LRRC4C: variants seen among roughly 807,000 people sequenced by gnomAD.
The protein encoded by LRRC4C is leucine rich repeat containing 4C.
Under a neutral mutation model 33.6 loss-of-function variants are expected in LRRC4C, and 5 were observed. The observed-to-expected ratio is 0.15, with a 90% CI of 0.08 to 0.31. The LOEUF is 0.31. LRRC4C is among the 10% of genes least tolerant of loss of function. The pLI is 1.00. For missense variants in LRRC4C, 560 were observed against 796.7 expected (o/e 0.70, Z 3.58); for synonymous variants, 329 against 302.0 (o/e 1.09, Z -0.93).
At position 40,563,467 on chromosome 11, in the gene LRRC4C, G is replaced by A. The variant is rs575133402; in HGVS notation, c.-270+84675C>T. 3.3e-5 allele frequency among the ~76,000 whole-genome samples: 5 copies of A among 152,268 alleles called. No homozygotes were observed. In the East Asian group the frequency reaches 9.7e-4, roughly 29 times the overall value. On this transcript the variant is annotated intron_variant, in intron 3 of 6. Transcript: ENST00000528697. ...GGAGTGGGATGATTATGATTAAATC[G>A]TATTGACACTAGGCAGAGGGATAAT...
At chr11:40,382,956 G>T (rs1381664083) in intron 3 of LRRC4C, among the ~76,000 whole-genome samples, 4 of 152,004 alleles carry the variant, frequency 2.6e-5, no homozygotes, top group Non-Finnish European at 5.9e-5. Context: ...GCCTCCCAAA[G>T]TACTGGGATT....
At chr11:40,133,959 C>T (rs945951700) in intron 6 of LRRC4C, among the ~76,000 whole-genome samples, 1 of 152,098 alleles carries the variant, frequency 6.6e-6, no homozygotes, top group African/African-American at 2.4e-5. Context: ...TCTCACAGTG[C>T]AGTATGATTC....
At chr11:40,782,942 TA>T (rs1692206323) in intron 2 of LRRC4C, among the ~76,000 whole-genome samples, 2 of 152,148 alleles carry the variant, frequency 1.3e-5, no homozygotes, top group Non-Finnish European at 2.9e-5. Flanking sequence ...GTGTGTATTT[TA>T]TATATATTTA....
At chr11:40,317,241 T>A (rs1945618032) in intron 4 of LRRC4C, among the ~76,000 whole-genome samples, 1 of 151,058 alleles carries the variant, frequency 6.6e-6, no homozygotes, top group African/African-American at 2.5e-5. Flanking sequence ...TATTCCTTTT[T>A]AAATATTGTT....
chr11:40,393,526 A>G (rs944204561), intron 3 of LRRC4C, among the ~76,000 whole-genome samples: 14 of 152,188 alleles, frequency 9.2e-5, no homozygotes, highest in African/African-American at 3.4e-4. Context: ...AGTCAGGAAG[A>G]AAATGAAAAA....
chr11:40,506,147 T>A (rs1340622121), intron 3 of LRRC4C, among the ~76,000 whole-genome samples: 1 of 152,200 alleles, frequency 6.6e-6, no homozygotes, highest in African/African-American at 2.4e-5. Context: ...TTAATGGCCC[T>A]AATTTTAAGA....
At chr11:40,547,525 A>T (rs1387011072) in intron 3 of LRRC4C, among the ~76,000 whole-genome samples, 2 of 151,990 alleles carry the variant, frequency 1.3e-5, no homozygotes, top group Non-Finnish European at 2.9e-5. Flanking sequence ...GGTACCCTAA[A>T]TTTTTTATCC....
intron 2 of LRRC4C, among the ~76,000 whole-genome samples, chr11:40,759,927 G>A (rs968056201): frequency 7.1e-6 from 1 of 140,488 alleles, no homozygotes; most frequent in African/African-American, 2.6e-5. Context: ...ATTAGGTGAA[G>A]TAGAGAATTC....
At chr11:40,911,250 C>A (rs1444966244) in intron 2 of LRRC4C, among the ~76,000 whole-genome samples, 1 of 152,196 alleles carries the variant, frequency 6.6e-6, no homozygotes, top group Non-Finnish European at 1.5e-5. Context: ...ACTGCGTCCT[C>A]AAGAGGGTCC....
intron 1 of LRRC4C, among the ~76,000 whole-genome samples, chr11:41,048,009 C>T (rs914802877): frequency 6.6e-6 from 1 of 152,120 alleles, no homozygotes; most frequent in East Asian, 1.9e-4. Flanking sequence ...CCACATTTTG[C>T]TCTGAACTTT....
chr11:40,613,661 C>T (rs1258720706), intron 3 of LRRC4C, among the ~76,000 whole-genome samples: 1 of 151,740 alleles, frequency 6.6e-6, no homozygotes, highest in African/African-American at 2.4e-5. Context: ...ATGGTGAATC[C>T]TTTCTACAAG....
chr11:40,897,595 C>T (rs1366286621), intron 2 of LRRC4C, among the ~76,000 whole-genome samples: 1 of 152,204 alleles, frequency 6.6e-6, no homozygotes, highest in African/African-American at 2.4e-5. Context: ...TAAAGAATGA[C>T]TTTGCTTATC....
intron 3 of LRRC4C, among the ~76,000 whole-genome samples, chr11:40,386,196 C>T (rs1253144489): frequency 6.6e-6 from 1 of 152,098 alleles, no homozygotes; most frequent in African/African-American, 2.4e-5. Context: ...TGAATTATGT[C>T]ACAAAGCCAT....
chr11:40,557,818 A>T (rs1334981110), intron 3 of LRRC4C, among the ~76,000 whole-genome samples: 1 of 152,176 alleles, frequency 6.6e-6, no homozygotes, highest in Non-Finnish European at 1.5e-5. Context: ...TGAGCCTTCA[A>T]TGCTGCTATT....
At chr11:41,063,636 C>T (rs1260480958) in intron 1 of LRRC4C, among the ~76,000 whole-genome samples, 1 of 152,018 alleles carries the variant, frequency 6.6e-6, no homozygotes, top group Non-Finnish European at 1.5e-5. Context: ...CATTGATATG[C>T]TTTATAAAGA....
At chr11:40,434,185 C>T (rs936550359) in intron 3 of LRRC4C, among the ~76,000 whole-genome samples, 2 of 152,188 alleles carry the variant, frequency 1.3e-5, no homozygotes, top group Admixed American at 6.5e-5. Flanking sequence ...ATAATACTTG[C>T]CATTTAGGGT....
chr11:40,724,131 C>A (rs893144901), intron 2 of LRRC4C, among the ~76,000 whole-genome samples: 1 of 152,044 alleles, frequency 6.6e-6, no homozygotes, highest in Admixed American at 6.5e-5. Context: ...TCTAGACCTG[C>A]AAAAATACTT....
At chr11:40,732,984 A>T (rs531851970) in intron 2 of LRRC4C, among the ~76,000 whole-genome samples, 1 of 151,410 alleles carries the variant, frequency 6.6e-6, no homozygotes, top group South Asian at 2.1e-4. Context: ...ACTTGGTCTA[A>T]GGATCCACAT....
chr11:41,175,414 C>T (rs1945156279), intron 1 of LRRC4C, among the ~76,000 whole-genome samples: 1 of 152,044 alleles, frequency 6.6e-6, no homozygotes. Flanking sequence ...ATGCAAACTA[C>T]ATGTCTAAAG....
Sources: gnomAD v4.1 joint callset for allele counts (sites outside exome capture counted in the v4.1 genomes callset) on GRCh38, gnomAD v4.1.1 for gene constraint, MANE v1.5 for transcripts, NCBI Gene and HGNC (gene_info 2026-07-23, HGNC 2026-07-21) for gene names.